Variants in MEIG1 observed in about 807,000 individuals in gnomAD.
The protein encoded by MEIG1 is meiosis expressed gene 1 protein homolog.
In MEIG1, 12 loss-of-function variants were observed where a neutral mutation model predicts 11.3. That is an observed-to-expected ratio of 1.07 (90% CI 0.68 to 1.73). MEIG1 has a LOEUF of 1.73. Ranked by LOEUF, MEIG1 falls within the 40% of genes most tolerant of loss-of-function variation. The pLI, the probability that MEIG1 is intolerant of heterozygous loss-of-function variation, is 0.00. For missense variants in MEIG1, 119 were observed against 104.9 expected (o/e 1.13, Z -0.59); for synonymous variants, 41 against 33.2 (o/e 1.24, Z -0.81).
intron 1 of MEIG1, among the ~76,000 whole-genome samples, chr10:14,985,453 ACTC>A (rs990687433): frequency 2.6e-5 from 4 of 151,870 alleles, no homozygotes; most frequent in Non-Finnish European, 5.9e-5. Flanking sequence ...TATGGGATGT[ACTC>A]CATCATATTA....
At chr10:14,981,357 T>C (rs1843260772) in intron 1 of MEIG1, among the ~76,000 whole-genome samples, 2 of 152,040 alleles carry the variant, frequency 1.3e-5, no homozygotes, top group South Asian at 4.2e-4. Context: ...AGAGACTGGC[T>C]CTCAGCTTGC....
chr10:14,966,702 C>T (rs1039232956), intron 2 of MEIG1, 96 bp downstream of exon 2: 12 of 1,072,170 alleles, frequency 1.1e-5, no homozygotes, highest in African/African-American at 8.3e-5. Context: ...GAAGGAAATT[C>T]GACTCCAACT....
chr10:14,983,391 A>C (rs1376554568), intron 1 of MEIG1, among the ~76,000 whole-genome samples: 1 of 151,956 alleles, frequency 6.6e-6, no homozygotes, highest in African/African-American at 2.4e-5. Context: ...GGCTGTGTAC[A>C]CCCACCCTCT....
intron 2 of MEIG1, among the ~76,000 whole-genome samples, chr10:14,968,689 T>C (rs1296410925): frequency 1.3e-5 from 2 of 152,192 alleles, no homozygotes; most frequent in African/African-American, 4.8e-5. Flanking sequence ...TCAACCATTA[T>C]ACTCTATCCC....
intron 1 of MEIG1, among the ~76,000 whole-genome samples, chr10:14,984,046 A>G (rs1686634228): frequency 6.6e-6 from 1 of 152,092 alleles, no homozygotes; most frequent in Non-Finnish European, 1.5e-5. Flanking sequence ...GGATGCTATT[A>G]CGGCAAAGAG....
At chr10:14,955,542 A>G (rs1397185886), upstream of MEIG1, among the ~76,000 whole-genome samples, 1 of 152,078 alleles carries the variant, frequency 6.6e-6, no homozygotes, top group African/African-American at 2.4e-5. Flanking sequence ...CATCTCTACT[A>G]AAAATACAAA....
At chr10:14,965,709 A>AGAGAGAGAGG (rs1843074417) in intron 1 of MEIG1, among the ~76,000 whole-genome samples, 1 of 21,490 alleles carries the variant, frequency 4.7e-5, no homozygotes, top group South Asian at 1.6e-3. Flanking sequence ...AGAGAGAGAG[A>AGAGAGAGAGG]GAGAGAGGTG....
At chr10:14,966,280 T>C (rs1223537539) in intron 1 of MEIG1, among the ~76,000 whole-genome samples, 160 bp from the exon 2 acceptor site, 1 of 151,934 alleles carries the variant, frequency 6.6e-6, no homozygotes, top group Admixed American at 6.6e-5. Flanking sequence ...GCCAGGCTGG[T>C]CTCAAACTCC....
chr10:14,985,782 G>A (rs184763938), intron 1 of MEIG1, among the ~76,000 whole-genome samples: 214 of 152,074 alleles, frequency 1.4e-3, no homozygotes, highest in African/African-American at 4.3e-3. Flanking sequence ...GTTATTATTT[G>A]TAATCCCCTA....
chr10:14,962,795 C>T lies in MEIG1; in HGVS notation c.-30+3238C>T, dbSNP rs1048453668. 8.6e-5 allele frequency among the ~76,000 whole-genome samples: 13 copies of T among 151,022 alleles called. No homozygotes were observed. In the East Asian group the frequency reaches 1.2e-3, roughly 13 times the overall value. ...TTTTTTTCTTTTTTTCAGACAGTCT[C>T]GCTCTGTCACCCAGGCTGGAGTGCA... is the stretch of plus-strand genomic sequence containing the variant. On this transcript the variant is annotated intron_variant, in intron 1 of 2. Transcript: ENST00000407572.
intron 1 of MEIG1, among the ~76,000 whole-genome samples, chr10:14,982,064 T>A (rs997716541): frequency 6.6e-6 from 1 of 152,246 alleles, no homozygotes; most frequent in African/African-American, 2.4e-5. Context: ...CGCGCTTTGA[T>A]GGATTAAAGC....
At chr10:14,974,675 G>T (rs923608737), downstream of MEIG1, among the ~76,000 whole-genome samples, 1 of 151,896 alleles carries the variant, frequency 6.6e-6, no homozygotes, top group African/African-American at 2.4e-5. Flanking sequence ...AAAATCAATA[G>T]CGATAATAAT....
intron 1 of MEIG1, among the ~76,000 whole-genome samples, chr10:14,962,349 T>C (rs1377717647): frequency 6.6e-6 from 1 of 152,226 alleles, no homozygotes; most frequent in Admixed American, 6.6e-5. Context: ...GTAGTTACAG[T>C]AGTCACTAGA....
intron 2 of MEIG1, among the ~76,000 whole-genome samples, chr10:14,967,573 C>T (rs992373818): frequency 2.0e-5 from 3 of 150,666 alleles, no homozygotes; most frequent in African/African-American, 7.3e-5. Context: ...GGCGCAATCT[C>T]GGCTCAGTGC....
intron 1 of MEIG1, among the ~76,000 whole-genome samples, chr10:14,980,022 T>C (rs974321640): frequency 2.6e-5 from 4 of 152,078 alleles, no homozygotes; most frequent in Non-Finnish European, 2.9e-5. Context: ...TAGGGGGATG[T>C]TACTCCTAAT....
upstream of MEIG1, among the ~76,000 whole-genome samples, chr10:14,958,001 A>AG (rs1290858457): frequency 6.6e-6 from 1 of 152,176 alleles, no homozygotes; most frequent in Non-Finnish European, 1.5e-5. Flanking sequence ...CAGACTACAG[A>AG]GGGGGCATAG....
downstream of MEIG1, among the ~76,000 whole-genome samples, chr10:14,974,395 G>C (rs6602779): frequency 6.6e-6 from 1 of 152,158 alleles, no homozygotes; most frequent in Admixed American, 6.5e-5. Flanking sequence ...GTGGCTTTTC[G>C]GTAGAGGGCG....
chr10:14,968,127 C>A (rs961955780), intron 2 of MEIG1, among the ~76,000 whole-genome samples: 7 of 150,898 alleles, frequency 4.6e-5, no homozygotes, highest in African/African-American at 1.5e-4. Flanking sequence ...GTAGATTTTG[C>A]AGATCACTAT....
In MEIG1 at chr10:14,967,342, A is replaced by G. The variant is rs567091632; in HGVS notation, c.138+736A>G. The stretch of plus-strand genomic sequence containing the variant: ...TTGGGGCAATTATACCTTACAAACA[A>G]AAGTGTTAGAACAACTCGTGACTTT... On this transcript the variant is annotated intron_variant, in intron 2 of 2. Transcript: ENST00000407572. Among the ~76,000 whole-genome samples the G allele has an allele frequency of 1.1e-4, 14 of 126,600 alleles. No homozygotes were observed. The South Asian group carries it at 3.0e-3, about 27-fold the overall frequency. The allele number at this position is 126,600 out of a possible 152,430, so 83.1% of individuals were successfully genotyped here.
Sources: allele counts gnomAD v4.1 joint callset (sites outside exome capture counted in the v4.1 genomes callset), GRCh38; gene constraint gnomAD v4.1.1; transcripts MANE v1.5; gene names NCBI Gene and HGNC (gene_info 2026-07-23, HGNC 2026-07-21).